Variants in CIITA observed in about 807,000 individuals in gnomAD.
CIITA encodes the protein MHC class II transactivator.
In CIITA, 72 loss-of-function variants were observed where a neutral mutation model predicts 115.1. The ratio of observed to expected loss-of-function variants is 0.63; its 90% CI spans 0.52 to 0.76. The LOEUF (loss-of-function observed/expected upper bound fraction) is 0.76, where lower values mean the gene tolerates loss of function less well. CIITA is among the 30% of genes least tolerant of loss of function. The pLI, the probability that CIITA is intolerant of heterozygous loss-of-function variation, is 0.00. For missense variants in CIITA, 1,617 were observed against 1,463.8 expected (o/e 1.10, Z -1.71); for synonymous variants, 763 against 635.6 (o/e 1.20, Z -3.02).
chr16:10,908,026 C>T lies in CIITA; in HGVS notation c.2534C>T (p.Ala845Val), dbSNP rs1351980833. The change falls in exon 11 of 20, where the codon GCA becomes GTA. Residue 845 changes from alanine (A) to valine (V), a missense_variant. By Grantham distance (64) the Ala-to-Val change is moderately conservative. Transcript: ENST00000324288. Reference sequence around the variant, plus strand: ...GGCACCCGCCTCACGCCTCCTGATGCACATGTACTGGGCAAGGCCTTGGAG... The same window carrying T: ...GGCACCCGCCTCACGCCTCCTGATGTACATGTACTGGGCAAGGCCTTGGAG... ...FLGTRLTPPD[A>V]HVLGKALEAA... 2 of 1,610,652 alleles carry T rather than the reference C, an allele frequency of 1.2e-6. No homozygotes were observed. Among genetic ancestry groups the T allele is most frequent in the East Asian group, 4.5e-5 (2 of 44,768 alleles).
intron 1 of CIITA, among the ~76,000 whole-genome samples, chr16:10,884,651 C>A (rs1030109439): frequency 1.3e-5 from 2 of 152,054 alleles, no homozygotes; most frequent in South Asian, 4.2e-4. Flanking sequence ...AAACTCCTGG[C>A]CTCAAGTCAT....
intron 1 of CIITA, among the ~76,000 whole-genome samples, chr16:10,867,708 AC>A (rs1289611460): frequency 1.3e-5 from 2 of 152,130 alleles, no homozygotes; most frequent in Non-Finnish European, 2.9e-5. Flanking sequence ...CCAACTTTTT[AC>A]GTCTCCTACC....
At chr16:10,866,634 C>T in intron 1 of CIITA, 1 of 413,866 alleles carries the variant, frequency 2.4e-6, no homozygotes, top group Non-Finnish European at 4.8e-6. Flanking sequence ...CAAGGATTTT[C>T]CCTCCTCTCT....
intron 1 of CIITA, among the ~76,000 whole-genome samples, chr16:10,870,104 T>C (rs1387611359): frequency 7.0e-6 from 1 of 142,394 alleles, no homozygotes; most frequent in Non-Finnish European, 1.5e-5. Flanking sequence ...GATTTGCCTC[T>C]GGTCATGACC....
At chr16:10,937,600 A>G (rs929007329), downstream of CIITA, 1 of 152,210 alleles carries the variant, frequency 6.6e-6, no homozygotes, top group Non-Finnish European at 1.5e-5. This position sits in a 1 kb window ranked among gnomAD's most constrained non-coding sequence, Gnocchi z 4.2. Context: ...CAGTCTCTGC[A>G]TTTTCAGCTC....
At position 10,935,560 on chromosome 16, in the gene CIITA, A is replaced by C. The variant is rs1596656397; in HGVS notation, c.*11705A>C. 1 of 152,244 alleles carries C rather than the reference A, an allele frequency of 6.6e-6. No individual in the cohort carries two copies. The highest frequency in any genetic ancestry group is 2.4e-5 in the African/African-American group (1 of 41,466). The allele number at this position is 152,244 out of a possible 1,614,324, so 9.4% of individuals were successfully genotyped here. A position where few individuals can be genotyped will look rare whatever the true frequency, so the allele number is the denominator to read the frequency against. On this transcript the variant is annotated 3_prime_UTR_variant, in exon 20 of 20. Coordinates refer to ENST00000324288, the MANE Select transcript of CIITA (RefSeq NM_000246.4). Reference sequence around the variant, plus strand: ...AAGTAGTTTTACAGATGAAGCACTAAAACTAGTGCATTTCATCTTAAACTG... The same window carrying C: ...AAGTAGTTTTACAGATGAAGCACTACAACTAGTGCATTTCATCTTAAACTG...
At chr16:10,898,471 T>C (rs7189514) in intron 3 of CIITA, among the ~76,000 whole-genome samples, 199 bp from the exon 4 acceptor site, 19,280 of 151,492 alleles carry the variant, frequency 0.13, 1,538 homozygotes, top group East Asian at 0.3. Context: ...CATGGATACA[T>C]ACCTCATCCT....
At chr16:10,875,466 G>A (rs973242941), upstream of CIITA, among the ~76,000 whole-genome samples, 4 of 152,076 alleles carry the variant, frequency 2.6e-5, no homozygotes, top group African/African-American at 7.2e-5. Context: ...GGACCACAGA[G>A]AGGAAGTAAA....
chr16:10,867,360 G>C (rs764922319), intron 1 of CIITA, among the ~76,000 whole-genome samples: 4 of 150,980 alleles, frequency 2.6e-5, no homozygotes, highest in Non-Finnish European at 5.9e-5. Context: ...GCATTTGCTT[G>C]TGTGTGCATG....
rs1379551762 is a variant in CIITA at position 10,906,823 on chromosome 16, A to G, written c.1331A>G (p.Gln444Arg). ...GCCTGGGCTTGTGGCCGGCTTCCCC[A>G]GTACGACTTTGTCTTCTCTGTCCCC... ...SRAWACGRLP[Q>R]YDFVFSVPCH... The change falls in exon 11 of 20, where the codon CAG becomes CGG. Residue 444 changes from glutamine (Q) to arginine (R), a missense_variant. Transcript: ENST00000324288. The G allele has an allele frequency of 6.2e-7, 1 of 1,613,006 alleles. No individual in the cohort carries two copies. The highest frequency in any genetic ancestry group is 8.5e-7 in the Non-Finnish European group (1 of 1,180,018).
At chr16:10,882,354 A>G (rs2036514533) in intron 1 of CIITA, among the ~76,000 whole-genome samples, 1 of 152,206 alleles carries the variant, frequency 6.6e-6, no homozygotes, top group African/African-American at 2.4e-5. Context: ...TGTAAAATCT[A>G]TGCTGAGGGT....
chr16:10,907,112 T>C lies in CIITA; in HGVS notation c.1620T>C (p.Gly540=), dbSNP rs547699469. 1.6e-5 allele frequency: 25 copies of C among 1,610,754 alleles called. No individual in the cohort carries two copies. In the South Asian group the frequency reaches 2.6e-4, roughly 17 times the overall value. The change falls in exon 11 of 20, where the codon GGT becomes GGC. Residue 540 remains glycine, a synonymous_variant. Transcript: ENST00000324288. The surrounding 1 kb of genome is among the most constrained non-coding windows in gnomAD (Gnocchi z 5.0). ...TTTTCCAGAAGAAGCTGCTCCGAGG[T>C]TGCACCCTCCTCCTCACAGCCCGGC... ...AGLFQKKLLR[G]CTLLLTARPR...
Position 10,895,188 on chromosome 16 carries a change from C to T in CIITA, c.53-94C>T, listed in dbSNP as rs538877517. On this transcript the variant is annotated intron_variant, in intron 1 of 19. Coordinates refer to ENST00000324288, the MANE Select transcript of CIITA (RefSeq NM_000246.4). ...AGCGCTTTTATTCACTCCTCTCATCCCCAGCCCTCACCAGCTGGGAGTTGT... is the reference window on the plus strand; with the variant it reads ...AGCGCTTTTATTCACTCCTCTCATCTCCAGCCCTCACCAGCTGGGAGTTGT... The T allele has an allele frequency of 1.0e-5, 15 of 1,482,542 alleles. No individual in the cohort carries two copies. The East Asian group carries it at 2.5e-4, about 25-fold the overall frequency. 91.8% of individuals were successfully genotyped at this position (1,482,542 alleles called of 1,614,324 possible). A position where few individuals can be genotyped will look rare whatever the true frequency, so the allele number is the denominator to read the frequency against.
At chr16:10,893,397 A>G (rs1251070663) in intron 1 of CIITA, among the ~76,000 whole-genome samples, 2 of 152,176 alleles carry the variant, frequency 1.3e-5, no homozygotes, top group African/African-American at 4.8e-5. Context: ...CAAGAGCTAC[A>G]TGATCTTGAG....
chr16:10,876,055 C>T (rs1287209567), upstream of CIITA, among the ~76,000 whole-genome samples: 1 of 152,070 alleles, frequency 6.6e-6, no homozygotes, highest in Non-Finnish European at 1.5e-5. Context: ...GAGGCTGAGG[C>T]AGGAGAATCA....
rs35831308 is a variant in CIITA at position 10,890,287 on chromosome 16, C to CT, written c.53-4983dup. ...AAGCTGCCCTGCTGGCTGTGGGGGCCTTTTTTTTTTTTCTGAGACACAGTC... is the reference window on the plus strand; with the variant it reads ...AAGCTGCCCTGCTGGCTGTGGGGGCCTTTTTTTTTTTTTCTGAGACACAGTC... On this transcript the variant is annotated intron_variant, in intron 1 of 19. Transcript: ENST00000324288. Among the ~76,000 whole-genome samples the CT allele has an allele frequency of 8.7e-3, 1,247 of 143,338 alleles. 13 individuals carry two copies. Among genetic ancestry groups the CT allele is most frequent in the African/African-American group, 0.026 (1,017 of 39,468 alleles). 94.0% of individuals were successfully genotyped at this position (143,338 alleles called of 152,430 possible).
rs1440507245 is a variant in CIITA at position 10,941,723 on chromosome 16, C to G, written n.849C>G. 6.2e-7 allele frequency: 1 copy of G among 1,608,154 alleles called. No homozygotes were observed. Among genetic ancestry groups the G allele is most frequent in the Non-Finnish European group, 8.5e-7 (1 of 1,177,048 alleles). On this transcript the variant is annotated non_coding_transcript_exon_variant, in exon 2 of 2. Transcript: ENST00000573379. The surrounding 1 kb of genome is among the most constrained non-coding windows in gnomAD (Gnocchi z 6.4). Reference sequence around the variant, plus strand: ...GGGGAACAGCAGTCGAGACCCTACTCCAAGTACGCATCAAAGACGTCGAGC... The same window carrying G: ...GGGGAACAGCAGTCGAGACCCTACTGCAAGTACGCATCAAAGACGTCGAGC...
At chr16:10,902,334 T>G in intron 7 of CIITA, 150 bp downstream of exon 7, 1 of 1,204,786 alleles carries the variant, frequency 8.3e-7, no homozygotes, top group South Asian at 1.4e-5. Context: ...AGTTTTATCC[T>G]TGGGGCCCCC....
chr16:10,891,239 TG>T (rs921921090), intron 1 of CIITA, among the ~76,000 whole-genome samples: 8 of 131,792 alleles, frequency 6.1e-5, no homozygotes, highest in Admixed American at 1.5e-4. Context: ...ACATTTTGAC[TG>T]GGGGGAAAGA....
Sources: gnomAD v4.1 joint callset for allele counts (sites outside exome capture counted in the v4.1 genomes callset) on GRCh38, gnomAD v4.1.1 for gene constraint, Gnocchi (gnomAD v3.1) non-coding constraint, MANE v1.5 for transcripts, NCBI Gene and HGNC (gene_info 2026-07-23, HGNC 2026-07-21) for gene names.